Variants in PLCB1 observed in about 807,000 individuals in gnomAD.
The protein encoded by PLCB1 is 1-phosphatidylinositol 4,5-bisphosphate phosphodiesterase beta-1.
Under a neutral mutation model 161.8 loss-of-function variants are expected in PLCB1, and 46 were observed. That is an observed-to-expected ratio of 0.28 (90% confidence interval 0.22 to 0.36). The LOEUF is 0.36. Among genes scored for constraint, PLCB1 ranks in the 10% least tolerant of loss-of-function variants. The pLI is 1.00. For synonymous variants in PLCB1, 517 were observed against 503.7 expected (o/e 1.03, Z -0.35); for missense variants, 1,016 against 1,472.5 (o/e 0.69, Z 5.07).
chr20:8,375,943 C>CAA (rs34790517), intron 3 of PLCB1, among the ~76,000 whole-genome samples: 1,005 of 92,898 alleles, frequency 0.011, 15 homozygotes, highest in African/African-American at 0.024. Flanking sequence ...CCAAGTGAAC[C>CAA]AAAAAAAAAA....
At position 8,548,056 on chromosome 20, in the gene PLCB1, ACCTCCCTTCCTACCTTCCTC is replaced by A. The variant is rs1296277335; in HGVS notation, c.247-80226_247-80207del. Among the ~76,000 whole-genome samples, 19 of 148,934 alleles carry A rather than the reference ACCTCCCTTCCTACCTTCCTC, an allele frequency of 1.3e-4. No individual in the cohort carries two copies. The East Asian group carries it at 1.6e-3, about 13-fold the overall frequency. The stretch of plus-strand genomic sequence containing the variant: ...CCACCCACACACTCCTGGTCCAGGG[ACCTCCCTTCCTACCTTCCTC>A]CCTCCCTTCCTCCCTTTCTTCCTCC... On this transcript the variant is annotated intron_variant, in intron 3 of 31. Coordinates refer to ENST00000338037, the MANE Select transcript of PLCB1 (RefSeq NM_015192.4).
chr20:8,784,356 A>C (rs1192069527), intron 27 of PLCB1, among the ~76,000 whole-genome samples: 2 of 152,112 alleles, frequency 1.3e-5, no homozygotes, highest in Non-Finnish European at 2.9e-5. Context: ...TGAGGTCAGG[A>C]GTTCAAGAGC....
intron 10 of PLCB1, among the ~76,000 whole-genome samples, chr20:8,690,173 C>A (rs932723023): frequency 7.6e-5 from 11 of 144,044 alleles, no homozygotes; most frequent in African/African-American, 2.0e-4. Flanking sequence ...ATCTTGCTCC[C>A]TTTTCTGAGC....
intron 3 of PLCB1, among the ~76,000 whole-genome samples, chr20:8,535,441 A>G (rs1034023196): frequency 2.6e-5 from 4 of 152,296 alleles, no homozygotes; most frequent in Non-Finnish European, 4.4e-5. Context: ...TCCCTTTAAC[A>G]TAGTAGTTCC....
chr20:8,195,708 GA>G (rs2052016285), intron 2 of PLCB1, among the ~76,000 whole-genome samples: 2 of 152,026 alleles, frequency 1.3e-5, no homozygotes, highest in Non-Finnish European at 2.9e-5. Flanking sequence ...TTAGTCTTCT[GA>G]AATCTGTGAC....
intron 2 of PLCB1, among the ~76,000 whole-genome samples, chr20:8,324,902 A>G (rs746620178): frequency 1.3e-5 from 2 of 152,238 alleles, no homozygotes; most frequent in African/African-American, 2.4e-5. Context: ...AGAGGTTCTT[A>G]TGGATTTTTC....
chr20:8,246,627 A>G (rs940137992), intron 2 of PLCB1, among the ~76,000 whole-genome samples: 12 of 151,960 alleles, frequency 7.9e-5, no homozygotes, highest in African/African-American at 2.9e-4. Flanking sequence ...CAGCTATTTC[A>G]TTCAGTGTAG....
At chr20:8,533,789 G>A (rs1270163821) in intron 3 of PLCB1, among the ~76,000 whole-genome samples, 12 of 151,834 alleles carry the variant, frequency 7.9e-5, no homozygotes, top group South Asian at 2.1e-4. Flanking sequence ...AGTAGGTTGC[G>A]GAAATTTTCT....
At chr20:8,582,088 TG>T (rs1414231837) in intron 3 of PLCB1, among the ~76,000 whole-genome samples, 1 of 152,168 alleles carries the variant, frequency 6.6e-6, no homozygotes, top group Non-Finnish European at 1.5e-5. Flanking sequence ...ACCCCAGAAC[TG>T]GTTGTTAAAC....
intron 2 of PLCB1, among the ~76,000 whole-genome samples, chr20:8,307,426 A>G (rs1024511636): frequency 6.6e-6 from 1 of 152,244 alleles, no homozygotes; most frequent in Non-Finnish European, 1.5e-5. Context: ...CAGATTGTCA[A>G]TTGGAATAAT....
intron 3 of PLCB1, among the ~76,000 whole-genome samples, chr20:8,429,012 C>T (rs1265766272): frequency 6.6e-6 from 1 of 152,114 alleles, no homozygotes; most frequent in Non-Finnish European, 1.5e-5. Flanking sequence ...CTTTTAAAAG[C>T]CTCTGAGAGG....
intron 3 of PLCB1, among the ~76,000 whole-genome samples, chr20:8,587,552 A>G (rs529892442): frequency 1.3e-5 from 2 of 152,326 alleles, no homozygotes; most frequent in South Asian, 4.1e-4. Context: ...TGAAGACATC[A>G]TGAGTCCTTT....
At chr20:8,846,767 T>C (rs1315798387) in intron 31 of PLCB1, among the ~76,000 whole-genome samples, 1 of 152,168 alleles carries the variant, frequency 6.6e-6, no homozygotes, top group African/African-American at 2.4e-5. Flanking sequence ...CTGAAGCGTC[T>C]CTTGAAGTCT....
intron 2 of PLCB1, among the ~76,000 whole-genome samples, chr20:8,316,666 G>A (rs6086402): frequency 0.16 from 24,922 of 151,886 alleles, 2,190 homozygotes; most frequent in East Asian, 0.36. Flanking sequence ...CCCTATCTCC[G>A]GGTTTACTTT....
intron 2 of PLCB1, among the ~76,000 whole-genome samples, chr20:8,278,973 T>TC (rs1982734058): frequency 6.9e-5 from 4 of 57,890 alleles, no homozygotes; most frequent in African/African-American, 6.1e-4. Context: ...CTATACAGTG[T>TC]TTTTTAAAAA....
At chr20:8,300,490 C>T (rs1983851855) in intron 2 of PLCB1, among the ~76,000 whole-genome samples, 1 of 152,102 alleles carries the variant, frequency 6.6e-6, no homozygotes, top group South Asian at 2.1e-4. Context: ...CATTTATACT[C>T]TCTCACAGCA....
chr20:8,759,896 A>ATTTTTT (rs3033840), intron 24 of PLCB1, among the ~76,000 whole-genome samples: 804 of 78,238 alleles, frequency 0.01, 62 homozygotes, highest in African/African-American at 0.024. Flanking sequence ...ATAATATCAC[A>ATTTTTT]TTTTTTTTTT....
chr20:8,750,933 C>T (rs1160996929), intron 23 of PLCB1: 704 of 413,348 alleles, frequency 1.7e-3, no homozygotes, highest in Non-Finnish European at 2.3e-3. Flanking sequence ...GAACTGCACT[C>T]TTTTTTTTTT....
At chr20:8,627,422 T>A (rs1224379680) in intron 3 of PLCB1, among the ~76,000 whole-genome samples, 1 of 152,214 alleles carries the variant, frequency 6.6e-6, no homozygotes, top group Non-Finnish European at 1.5e-5. Context: ...CAGGACCTGT[T>A]GGCCCAGTAT....
Sources: gnomAD v4.1 joint callset for allele counts (sites outside exome capture counted in the v4.1 genomes callset) on GRCh38, gnomAD v4.1.1 for gene constraint, MANE v1.5 for transcripts, NCBI Gene and HGNC (gene_info 2026-07-23, HGNC 2026-07-21) for gene names.